The following PSD3 variants were observed in gnomAD, a reference collection of about 807,000 sequenced individuals.
PSD3 encodes the protein pleckstrin and Sec7 domain containing 3.
A neutral mutation model predicts 105.5 loss-of-function variants in PSD3; 49 were observed. That is an observed-to-expected ratio of 0.46 (90% CI 0.37 to 0.59). The LOEUF is 0.59. Ranked by LOEUF, PSD3 falls within the 20% of genes least tolerant of loss-of-function variation. The pLI, the probability that PSD3 is intolerant of heterozygous loss-of-function variation, is 0.00. For synonymous variants in PSD3, 557 were observed against 457.8 expected (o/e 1.22, Z -2.77); for missense variants, 1,561 against 1,263.8 (o/e 1.24, Z -3.57).
chr8:19,039,571 C>T (rs749313908), intron 1 of PSD3, among the ~76,000 whole-genome samples: 1 of 152,120 alleles, frequency 6.6e-6, no homozygotes, highest in Non-Finnish European at 1.5e-5. Flanking sequence ...TTCATCAAAC[C>T]CTTTCTCTAG....
At chr8:18,703,432 T>C (rs868015390) in intron 9 of PSD3, among the ~76,000 whole-genome samples, 1 of 152,230 alleles carries the variant, frequency 6.6e-6, no homozygotes, top group Non-Finnish European at 1.5e-5. Context: ...CCTTCAGTTC[T>C]TCATTATCAC....
At chr8:18,863,107 A>G (rs1816571226) in intron 4 of PSD3, among the ~76,000 whole-genome samples, 1 of 152,214 alleles carries the variant, frequency 6.6e-6, no homozygotes, top group African/African-American at 2.4e-5. Flanking sequence ...AAGCAGCTTC[A>G]TATATTCCAA....
At position 19,065,652 on chromosome 8, in the gene PSD3, C is replaced by T. The variant is rs1284775862; in HGVS notation, c.324+18554G>A. Among the ~76,000 whole-genome samples, 6 of 152,320 alleles carry T rather than the reference C, an allele frequency of 3.9e-5. No homozygotes were observed. The East Asian group carries it at 9.7e-4, about 25-fold the overall frequency. On this transcript the variant is annotated intron_variant, in intron 1 of 1. Coordinates refer to the PSD3 transcript ENST00000521475. ...AGGAAGAGATGCGCAGGGCAAGGCACGTGGTAAGGGGCATGGATCTCCCAT... is the reference window on the plus strand; with the variant it reads ...AGGAAGAGATGCGCAGGGCAAGGCATGTGGTAAGGGGCATGGATCTCCCAT...
chr8:18,673,582 G>A (rs781235825), intron 9 of PSD3, among the ~76,000 whole-genome samples: 1 of 152,094 alleles, frequency 6.6e-6, no homozygotes, highest in Non-Finnish European at 1.5e-5. Context: ...TGTTGTCCCA[G>A]GGTTTCCCTT....
chr8:18,947,038 G>A (rs13275201), intron 1 of PSD3, among the ~76,000 whole-genome samples: 7,924 of 152,084 alleles, frequency 0.052, 242 homozygotes, highest in Non-Finnish European at 0.067. Flanking sequence ...TGGGCCAAAG[G>A]GGATGGCTCA....
At chr8:18,729,270 G>A (rs1803556694) in intron 9 of PSD3, among the ~76,000 whole-genome samples, 1 of 152,136 alleles carries the variant, frequency 6.6e-6, no homozygotes, top group East Asian at 1.9e-4. Context: ...TATGCATTCT[G>A]TAAAAGCTTA....
intron 11 of PSD3, among the ~76,000 whole-genome samples, chr8:18,626,769 T>C (rs1156352009): frequency 2.6e-5 from 4 of 152,090 alleles, no homozygotes; most frequent in African/African-American, 4.8e-5. Flanking sequence ...GATAAACCTG[T>C]TCAACCAGAC....
chr8:18,931,728 T>C (rs932668066), intron 2 of PSD3, among the ~76,000 whole-genome samples: 2 of 152,190 alleles, frequency 1.3e-5, no homozygotes, highest in African/African-American at 4.8e-5. Context: ...CCTTCCTCCG[T>C]TAGTCATCAG....
chr8:19,062,435 G>A (rs1439886601), intron 1 of PSD3, among the ~76,000 whole-genome samples: 1 of 152,124 alleles, frequency 6.6e-6, no homozygotes, highest in Non-Finnish European at 1.5e-5. Flanking sequence ...AAACTCAGAA[G>A]AGTAGAGACT....
rs552354419 is a variant in PSD3, at chr8:18,770,603, C to T, written c.2083-5065G>A. On this transcript the variant is annotated intron_variant, in intron 8 of 15. Transcript: ENST00000327040. ...AAACAGGTGAGTGGGTACGGCAGCT[C>T]GGGCAAATGCCTTCGGGCACCAGCA... 4.6e-5 allele frequency among the ~76,000 whole-genome samples: 7 copies of T among 152,304 alleles called. No homozygotes were observed. In the South Asian group the frequency reaches 1.0e-3, roughly 23 times the overall value.
At chr8:18,611,747 G>T (rs1399956626) in intron 11 of PSD3, among the ~76,000 whole-genome samples, 7 of 146,162 alleles carry the variant, frequency 4.8e-5, no homozygotes, top group African/African-American at 1.0e-4. Flanking sequence ...GAGCCTTAAG[G>T]GAATGTGATT....
chr8:19,023,665 G>A (rs369698110), intron 1 of PSD3, among the ~76,000 whole-genome samples: 3 of 152,040 alleles, frequency 2.0e-5, no homozygotes, highest in South Asian at 2.1e-4. Flanking sequence ...TGGAACTCCC[G>A]GCCTCAAGTG....
rs370097789 is a variant in PSD3, at chr8:18,575,272, G to A, written c.2495C>T (p.Pro832Leu). The change falls in exon 13 of 16, where the codon CCA becomes CTA. Residue 832 changes from proline (P) to leucine (L), a missense_variant. Transcript: ENST00000327040. Reference protein sequence around the residue: ...VLYLQKDEYKPEKALSEEDLK... With the variant: ...VLYLQKDEYKLEKALSEEDLK... ...GTCCTCTTCAGACAAGGCCTTTTCT[G>A]GCTTGTATTCATCCTATAGATGGAC... is the stretch of plus-strand genomic sequence containing the variant. 6 of 1,608,552 alleles carry A rather than the reference G, an allele frequency of 3.7e-6. No individual in the cohort carries two copies. The African/African-American group carries it at 6.7e-5, about 18-fold the overall frequency.
intron 2 of PSD3, among the ~76,000 whole-genome samples, chr8:18,879,435 G>A (rs143309870): frequency 5.3e-5 from 8 of 152,246 alleles, no homozygotes; most frequent in African/African-American, 1.7e-4. Flanking sequence ...TCTGAGAGGC[G>A]AAAGGACCTG....
chr8:18,548,775 G>A (rs1284003550), intron 15 of PSD3, among the ~76,000 whole-genome samples: 1 of 152,178 alleles, frequency 6.6e-6, no homozygotes, highest in East Asian at 1.9e-4. Flanking sequence ...GGAGTGTGAG[G>A]TGCATGGAGC....
chr8:18,893,928 C>T (rs905796520), intron 2 of PSD3, among the ~76,000 whole-genome samples: 5 of 152,190 alleles, frequency 3.3e-5, no homozygotes, highest in Admixed American at 6.5e-5. Flanking sequence ...GTTTTTCACC[C>T]GCTGTTCTTC....
At chr8:18,723,656 G>C (rs1395420475) in intron 9 of PSD3, among the ~76,000 whole-genome samples, 10 of 152,182 alleles carry the variant, frequency 6.6e-5, no homozygotes, top group African/African-American at 2.4e-4. Flanking sequence ...ATGGTTCAAA[G>C]AATATGTCAG....
intron 9 of PSD3, among the ~76,000 whole-genome samples, chr8:18,689,161 G>A (rs1800829669): frequency 6.6e-6 from 1 of 152,182 alleles, no homozygotes; most frequent in Admixed American, 6.6e-5. Context: ...TCTTTGCTGT[G>A]TCTACTAGGT....
chr8:18,790,091 G>A lies in PSD3; in HGVS notation c.2082+9204C>T, dbSNP rs541279474. Among the ~76,000 whole-genome samples the A allele has an allele frequency of 5.3e-5, 8 of 152,132 alleles. 1 individual carries two copies. The highest frequency in any genetic ancestry group is 3.3e-4 in the Admixed American group (5 of 15,278). ...TAGAGGGTGGGGAAAGGGGACAGGT[G>A]AAGGAACAGAGGATGGAAAAAAGGA... On this transcript the variant is annotated intron_variant, in intron 8 of 15. Coordinates refer to ENST00000327040, the MANE Select transcript of PSD3 (RefSeq NM_015310.4).
Sources: gnomAD v4.1 joint callset for allele counts (sites outside exome capture counted in the v4.1 genomes callset) on GRCh38, gnomAD v4.1.1 for gene constraint, MANE v1.5 for transcripts, NCBI Gene and HGNC (gene_info 2026-07-23, HGNC 2026-07-21) for gene names.